Variants in SPHKAP observed in about 807,000 individuals in gnomAD.
The protein encoded by SPHKAP is SPHK1 interactor, AKAP domain containing.
SPHKAP carries 67 observed loss-of-function variants against 137.5 expected under a neutral mutation model. The observed-to-expected ratio is 0.49, with a 90% CI of 0.40 to 0.60. The LOEUF (loss-of-function observed/expected upper bound fraction) is 0.60, where lower values mean the gene tolerates loss of function less well. Among genes scored for constraint, SPHKAP ranks in the 20% least tolerant of loss-of-function variants. SPHKAP has a pLI of 0.00. For synonymous variants in SPHKAP, 813 were observed against 785.3 expected (o/e 1.04, Z -0.59); for missense variants, 2,097 against 2,069.3 (o/e 1.01, Z -0.26).
At chr2:228,120,288 G>A (rs760906688) in intron 2 of SPHKAP, among the ~76,000 whole-genome samples, 18 of 152,138 alleles carry the variant, frequency 1.2e-4, no homozygotes, top group Non-Finnish European at 1.5e-4. Flanking sequence ...TCTAGTAGGA[G>A]AGTCCTTATC....
At position 228,002,882 on chromosome 2, in the gene SPHKAP, G is replaced by A. The variant is rs565230516; in HGVS notation, c.4449-7188C>T. 3.3e-3 allele frequency among the ~76,000 whole-genome samples: 503 copies of A among 152,242 alleles called. 3 individuals are homozygous for A. Among genetic ancestry groups the A allele is most frequent in the African/African-American group, 0.012 (488 of 41,544 alleles). ...TGTTAAAGATCAGATGGTTGTAGAT[G>A]TGTGGTATTATTTCTGAGGGCTCTG... On this transcript the variant is annotated intron_variant, in intron 7 of 11. Transcript: ENST00000392056.
rs952106563 is a variant in SPHKAP, at chr2:228,132,482, A to C, written c.33-397T>G. 4.2e-6 allele frequency: 3 copies of C among 711,092 alleles called. No individual in the cohort carries two copies. The Admixed American group carries it at 1.9e-4, about 45-fold the overall frequency. The allele number at this position is 711,092 out of a possible 1,614,324, so 44.0% of individuals were successfully genotyped here. A position where few individuals can be genotyped will look rare whatever the true frequency, so the allele number is the denominator to read the frequency against. On this transcript the variant is annotated intron_variant, in intron 1 of 11. Transcript: ENST00000392056. ...AACAAAATATTCATTTTATTTTTTAAAATGGAGGTAAAATATAATTTTAAT... is the reference window on the plus strand; with the variant it reads ...AACAAAATATTCATTTTATTTTTTACAATGGAGGTAAAATATAATTTTAAT...
chr2:228,043,007 T>A (rs1481590666), intron 3 of SPHKAP, among the ~76,000 whole-genome samples: 1 of 152,170 alleles, frequency 6.6e-6, no homozygotes, highest in Non-Finnish European at 1.5e-5. Context: ...GGTATCCAAC[T>A]ACATACATGA....
At chr2:228,153,227 GC>G (rs1166363562) in intron 1 of SPHKAP, among the ~76,000 whole-genome samples, 3 of 151,940 alleles carry the variant, frequency 2.0e-5, no homozygotes, top group African/African-American at 7.3e-5. Flanking sequence ...TTACATTATT[GC>G]CTACATTTTT....
chr2:227,993,659 A>G (rs1334042127), intron 8 of SPHKAP, 39 bp from the exon 9 acceptor site: 1 of 1,501,644 alleles, frequency 6.7e-7, no homozygotes, highest in South Asian at 1.2e-5. Flanking sequence ...GCCCGTCTCC[A>G]CCCTCTAACA....
intron 1 of SPHKAP, among the ~76,000 whole-genome samples, chr2:228,153,205 C>A (rs1699992295): frequency 6.6e-6 from 1 of 152,172 alleles, no homozygotes; most frequent in Non-Finnish European, 1.5e-5. Flanking sequence ...CGGACTAATG[C>A]ACCCTCCTAA....
intron 3 of SPHKAP, among the ~76,000 whole-genome samples, chr2:228,066,990 A>T (rs1696847585): frequency 6.6e-6 from 1 of 152,228 alleles, no homozygotes; most frequent in South Asian, 2.1e-4. Context: ...TCCTTAATGT[A>T]AAACAGATCC....
chr2:228,059,321 C>T (rs753507189), intron 3 of SPHKAP, among the ~76,000 whole-genome samples: 6 of 152,176 alleles, frequency 3.9e-5, no homozygotes, highest in African/African-American at 9.7e-5. Context: ...GTTACCAAAC[C>T]GTTCACCAGA....
intron 3 of SPHKAP, among the ~76,000 whole-genome samples, chr2:228,048,665 G>C (rs1357608701): frequency 1.3e-5 from 2 of 152,072 alleles, no homozygotes; most frequent in Non-Finnish European, 2.9e-5. Context: ...ACAGTATTCA[G>C]AACAGTAACC....
chr2:227,995,471 G>A lies in SPHKAP; in HGVS notation c.4634+38C>T, dbSNP rs749698167. The A allele has an allele frequency of 3.1e-6, 5 of 1,610,964 alleles. No individual in the cohort carries two copies. In the East Asian group the frequency reaches 8.9e-5, roughly 29 times the overall value. On this transcript the variant is annotated intron_variant, in intron 8 of 11. Transcript: ENST00000392056. ...AATGCATTTTTAGAATCTGTGTTGA[G>A]ACCAATTTCCCTGGGAATTCAAGGG...
At chr2:228,041,750 A>G (rs370140790) in intron 3 of SPHKAP, among the ~76,000 whole-genome samples, 2 of 152,100 alleles carry the variant, frequency 1.3e-5, no homozygotes, top group East Asian at 1.9e-4. Flanking sequence ...GTATTACTCT[A>G]TGTAATACAG....
intron 2 of SPHKAP, among the ~76,000 whole-genome samples, chr2:228,113,446 C>T (rs1393176672): frequency 1.3e-5 from 2 of 152,000 alleles, no homozygotes; most frequent in Non-Finnish European, 2.9e-5. Flanking sequence ...TTTCCTTTGC[C>T]CAGGCTTAGA....
chr2:228,070,187 A>T (rs1392206710), intron 3 of SPHKAP, among the ~76,000 whole-genome samples: 5 of 152,224 alleles, frequency 3.3e-5, no homozygotes, highest in Non-Finnish European at 7.3e-5. Flanking sequence ...CTGATAACAT[A>T]AACAGTGGAT....
chr2:228,156,350 T>G (rs556248828), intron 1 of SPHKAP, among the ~76,000 whole-genome samples: 1 of 152,300 alleles, frequency 6.6e-6, no homozygotes, highest in South Asian at 2.1e-4. Flanking sequence ...ATTGTCATGG[T>G]TATATGTCCC....
chr2:228,155,941 A>G (rs2106406258), intron 1 of SPHKAP, among the ~76,000 whole-genome samples: 1 of 152,312 alleles, frequency 6.6e-6, no homozygotes, highest in African/African-American at 2.4e-5. Context: ...TAGCTCAGGG[A>G]GAAATCTCAG....
chr2:228,106,125 C>A (rs960864557), intron 3 of SPHKAP, among the ~76,000 whole-genome samples: 3 of 152,176 alleles, frequency 2.0e-5, no homozygotes, highest in Admixed American at 2.0e-4. Context: ...TGCTTGAGAA[C>A]AAACAGGGGT....
intron 2 of SPHKAP, among the ~76,000 whole-genome samples, chr2:228,115,264 A>G (rs1321693111): frequency 1.3e-5 from 2 of 152,108 alleles, no homozygotes; most frequent in Non-Finnish European, 2.9e-5. Flanking sequence ...ACCTTTCTGT[A>G]GAGCTTGGCT....
At chr2:228,139,813 G>A (rs2106384649) in intron 1 of SPHKAP, among the ~76,000 whole-genome samples, 1 of 152,084 alleles carries the variant, frequency 6.6e-6, no homozygotes, top group Middle Eastern at 3.4e-3. Context: ...CTGCTGCTAA[G>A]TTAATTTTGC....
At chr2:228,064,683 G>T (rs1416542827) in intron 3 of SPHKAP, among the ~76,000 whole-genome samples, 2 of 152,152 alleles carry the variant, frequency 1.3e-5, no homozygotes, top group East Asian at 1.9e-4. Context: ...GAGTATTTCA[G>T]GAAGAGAGGA....
Sources: allele counts gnomAD v4.1 joint callset (sites outside exome capture counted in the v4.1 genomes callset), GRCh38; gene constraint gnomAD v4.1.1; transcripts MANE v1.5; gene names NCBI Gene and HGNC (gene_info 2026-07-23, HGNC 2026-07-21).